The following RHBDL2 variants were observed in gnomAD, a reference collection of about 807,000 sequenced individuals.
RHBDL2 encodes rhomboid-related protein 2.
In RHBDL2, 26 loss-of-function variants were observed where a neutral mutation model predicts 31.7. The observed-to-expected ratio is 0.82, with a 90% CI of 0.60 to 1.14. The LOEUF (loss-of-function observed/expected upper bound fraction) is 1.14. Ranked by LOEUF, RHBDL2 falls within the 50% of genes most tolerant of loss-of-function variation. RHBDL2 has a pLI of 0.00. For synonymous variants in RHBDL2, 123 were observed against 127.2 expected (o/e 0.97, Z 0.22); for missense variants, 336 against 364.4 (o/e 0.92, Z 0.63).
chr1:38,902,041 C>T (rs1427568497), intron 4 of RHBDL2, among the ~76,000 whole-genome samples: 1 of 151,586 alleles, frequency 6.6e-6, no homozygotes, highest in Non-Finnish European at 1.5e-5. Flanking sequence ...TTCTACCCAA[C>T]AACAACTGAT....
intron 1 of RHBDL2, among the ~76,000 whole-genome samples, chr1:38,938,733 G>A (rs1191786502): frequency 6.6e-6 from 1 of 152,170 alleles, no homozygotes; most frequent in East Asian, 1.9e-4. Context: ...GCTTAGCATT[G>A]TGTTAGGCAC....
chr1:38,934,004 A>G (rs1291968689), intron 1 of RHBDL2, among the ~76,000 whole-genome samples: 1 of 152,138 alleles, frequency 6.6e-6, no homozygotes, highest in Middle Eastern at 3.2e-3. Context: ...CTGGGATTAC[A>G]GGAGTTATCC....
intron 4 of RHBDL2, among the ~76,000 whole-genome samples, chr1:38,907,761 A>C (rs1048177855): frequency 3.3e-5 from 5 of 152,160 alleles, no homozygotes; most frequent in African/African-American, 1.2e-4. Context: ...AAACAAATAA[A>C]TGTAAAGCAT....
At chr1:38,900,293 A>C (rs1642973113) in intron 4 of RHBDL2, among the ~76,000 whole-genome samples, 1 of 151,750 alleles carries the variant, frequency 6.6e-6, no homozygotes, top group South Asian at 2.1e-4. Flanking sequence ...GGTGGTGTGC[A>C]CCTATAATCC....
chr1:38,901,387 A>G (rs1642986446), intron 4 of RHBDL2, among the ~76,000 whole-genome samples: 2 of 150,402 alleles, frequency 1.3e-5, no homozygotes, highest in South Asian at 2.1e-4. Flanking sequence ...GCTTGAACCC[A>G]GGAGGCAGAG....
At chr1:38,923,225 T>C (rs1052853261) in intron 1 of RHBDL2, among the ~76,000 whole-genome samples, 1 of 152,222 alleles carries the variant, frequency 6.6e-6, no homozygotes, top group African/African-American at 2.4e-5. Context: ...ATTAAAAGCA[T>C]ATACCTTTCA....
intron 3 of RHBDL2, among the ~76,000 whole-genome samples, chr1:38,911,832 A>T (rs1419545587): frequency 6.6e-6 from 1 of 151,300 alleles, no homozygotes; most frequent in African/African-American, 2.4e-5. Flanking sequence ...TTTTGGACGA[A>T]GTCTCCCTCT....
At chr1:38,925,390 C>T (rs1045919962) in intron 1 of RHBDL2, among the ~76,000 whole-genome samples, 3 of 151,828 alleles carry the variant, frequency 2.0e-5, no homozygotes, top group Non-Finnish European at 4.4e-5. Flanking sequence ...CCCAGCTACT[C>T]GGGAGGCTGA....
chr1:38,886,685 T>A lies in RHBDL2; in HGVS notation c.733-2A>T. The A allele has an allele frequency of 6.5e-7, 1 of 1,535,086 alleles. No homozygotes were observed. The highest frequency in any genetic ancestry group is 8.8e-7 in the Non-Finnish European group (1 of 1,135,442). On this transcript the variant is annotated splice_acceptor_variant, in intron 7 of 7. Coordinates refer to ENST00000372990, the MANE Select transcript of RHBDL2 (RefSeq NM_017821.5). LOFTEE classifies it high-confidence loss of function. ...TGCAATGTGAGCTGCAAAAGACACCTTGGGAGAAAAGGAGGGAAAATGGAA... is the reference window on the plus strand; with the variant it reads ...TGCAATGTGAGCTGCAAAAGACACCATGGGAGAAAAGGAGGGAAAATGGAA...
chr1:38,893,806 T>C (rs1642882187), intron 5 of RHBDL2, among the ~76,000 whole-genome samples: 1 of 152,016 alleles, frequency 6.6e-6, no homozygotes, highest in Non-Finnish European at 1.5e-5. Flanking sequence ...TGGTGCAATC[T>C]ATAGCTCACT....
intron 1 of RHBDL2, among the ~76,000 whole-genome samples, chr1:38,920,905 G>A (rs1190249116): frequency 2.0e-5 from 3 of 150,848 alleles, no homozygotes; most frequent in Admixed American, 6.6e-5. Context: ...ATGAGCCACC[G>A]CACCTGGCAC....
At chr1:38,926,907 C>A (rs1643383980) in intron 1 of RHBDL2, 1 of 152,316 alleles carries the variant, frequency 6.6e-6, no homozygotes, top group Admixed American at 6.6e-5. Context: ...AAAACCGGAC[C>A]AATACAGAGA....
intron 2 of RHBDL2, among the ~76,000 whole-genome samples, chr1:38,916,693 C>CAAAAAAAAAAA (rs1286281973): frequency 3.0e-5 from 4 of 134,702 alleles, no homozygotes; most frequent in African/African-American, 1.1e-4. Context: ...ACTAAAAATA[C>CAAAAAAAAAAA]AAAAAAAACA....
intron 4 of RHBDL2, 38 bp from the exon 5 acceptor site, chr1:38,896,107 A>G (rs2124306797): frequency 4.9e-6 from 7 of 1,425,958 alleles, no homozygotes; most frequent in Non-Finnish European, 6.9e-6. Context: ...ACATGACTAT[A>G]CGGATCAGGA....
Position 38,919,014 on chromosome 1 carries a change from T to G in RHBDL2, c.199A>C (p.Asn67His), listed in dbSNP as rs1259255911. 1 of 1,614,154 alleles carries G rather than the reference T, an allele frequency of 6.2e-7. No individual in the cohort carries two copies. Among genetic ancestry groups the G allele is most frequent in the Admixed American group, 1.7e-5 (1 of 59,996 alleles). ...ATGAACACGGGAGGCGGGAAGCAGT[T>G]AGCTCTCTCCAAGTATGTTCCTCGG... ...KSRGTYLERA[N>H]CFPPPVFIIS... The change falls in exon 2 of 8, where the codon AAC becomes CAC. Residue 67 changes from asparagine (N) to histidine (H), a missense_variant. By Grantham distance (68) the Asn-to-His change is moderately conservative. Transcript: ENST00000372990.
chr1:38,905,192 G>T (rs1177507378), intron 4 of RHBDL2, among the ~76,000 whole-genome samples: 2 of 147,002 alleles, frequency 1.4e-5, no homozygotes, highest in Non-Finnish European at 3.0e-5. Context: ...AGGAGTTCGA[G>T]ACCAGCCTGG....
At position 38,906,552 on chromosome 1, in the gene RHBDL2, T is replaced by C. The variant is rs534145596; in HGVS notation, c.508+4770A>G. Among the ~76,000 whole-genome samples the C allele has an allele frequency of 2.6e-5, 4 of 152,032 alleles. No homozygotes were observed. The South Asian group carries it at 6.2e-4, about 24-fold the overall frequency. ...AGCTGGGTGTGGTGGTGGGCACCTG[T>C]AGTCCCAGCTACTCGGGAGGCTGAG... On this transcript the variant is annotated intron_variant, in intron 4 of 7. Transcript: ENST00000372990.
chr1:38,906,105 T>C, intron 4 of RHBDL2, among the ~76,000 whole-genome samples: 1 of 152,080 alleles, frequency 6.6e-6, no homozygotes, highest in East Asian at 1.9e-4. Context: ...CATTACATTT[T>C]GTGGCGAAAT....
At chr1:38,916,890 T>C (rs1643244571) in intron 2 of RHBDL2, among the ~76,000 whole-genome samples, 1 of 142,356 alleles carries the variant, frequency 7.0e-6, no homozygotes, top group Non-Finnish European at 1.5e-5. Flanking sequence ...AAAAATACTA[T>C]GGAAATGTAA....
Sources: allele counts gnomAD v4.1 joint callset (sites outside exome capture counted in the v4.1 genomes callset), GRCh38; gene constraint gnomAD v4.1.1; transcripts MANE v1.5; gene names NCBI Gene and HGNC (gene_info 2026-07-23, HGNC 2026-07-21).